PRC1: variants seen among roughly 807,000 people sequenced by gnomAD.
The protein encoded by PRC1 is anaphase spindle elongation 1 homolog.
A neutral mutation model predicts 91.2 loss-of-function variants in PRC1; 54 were observed. The ratio of observed to expected loss-of-function variants is 0.59; its 90% CI spans 0.48 to 0.74. The LOEUF (loss-of-function observed/expected upper bound fraction) is 0.74, where lower values mean the gene tolerates loss of function less well. PRC1 is among the 30% of genes least tolerant of loss of function. The pLI is 0.00. For synonymous variants in PRC1, 275 were observed against 263.6 expected (o/e 1.04, Z -0.42); for missense variants, 727 against 746.2 (o/e 0.97, Z 0.30).
chr15:90,978,875 G>A (rs1174762118), intron 8 of PRC1, among the ~76,000 whole-genome samples: 1 of 151,864 alleles, frequency 6.6e-6, no homozygotes, highest in Non-Finnish European at 1.5e-5. Flanking sequence ...GAAGCCTGGG[G>A]TCCTGCTCAC....
rs1338193711 is a variant in PRC1, at chr15:90,967,218, T to TAAC, written c.1792-19_1792-17dup. 2 of 1,607,094 alleles carry TAAC rather than the reference T, an allele frequency of 1.2e-6. No homozygotes were observed. The highest frequency in any genetic ancestry group is 2.7e-5 in the African/African-American group (2 of 74,738). On this transcript the variant is annotated splice_polypyrimidine_tract_variant and intron_variant, in intron 14 of 14. Transcript: ENST00000394249. ...AAAGTTCTCGCTGTTGAAAAATAAATAACATCAGTGGCCATACTGCCTCTC... is the reference window on the plus strand; with the variant it reads ...AAAGTTCTCGCTGTTGAAAAATAAATAACAACATCAGTGGCCATACTGCCTCTC...
chr15:90,980,463 T>C, intron 6 of PRC1, 74 bp from the exon 7 acceptor site: 1 of 1,481,478 alleles, frequency 6.8e-7, no homozygotes, highest in South Asian at 1.3e-5. Context: ...GATCCCCCCC[T>C]TTTAAGTAAA....
At chr15:90,994,326 TC>T (rs1321760721) in intron 1 of PRC1, 80 bp downstream of exon 1, 6 of 1,601,142 alleles carry the variant, frequency 3.7e-6, no homozygotes, top group Non-Finnish European at 5.1e-6. Context: ...CCCGCACGGG[TC>T]CCGCACCCCT....
intron 9 of PRC1, among the ~76,000 whole-genome samples, chr15:90,975,095 G>C (rs78220258): frequency 0.029 from 4,465 of 152,288 alleles, 220 homozygotes; most frequent in African/African-American, 0.1. Context: ...TTTACTGGCT[G>C]TGAAGCAGTG....
At chr15:90,986,921 A>C (rs532408398) in intron 1 of PRC1, among the ~76,000 whole-genome samples, 1 of 151,876 alleles carries the variant, frequency 6.6e-6, no homozygotes, top group East Asian at 1.9e-4. Context: ...GGCTGAGCAA[A>C]TGCCACTAGA....
chr15:90,984,092 G>C lies in PRC1; in HGVS notation c.193C>G (p.Leu65Val). 6.2e-7 allele frequency: 1 copy of C among 1,614,100 alleles called. No homozygotes were observed. Among genetic ancestry groups the C allele is most frequent in the South Asian group, 1.1e-5 (1 of 91,080 alleles). ...TGACAGACGGATATGCTTTTGATGA[G>C]TCTTTCCTTCAGGCTTTCCTCTTCA... ...IAEEESLKERLIKSISVCQKE... is the reference protein window; with the variant it reads ...IAEEESLKERVIKSISVCQKE... The change falls in exon 3 of 15, where the codon CTC becomes GTC. Residue 65 changes from leucine (L) to valine (V), a missense_variant. Transcript: ENST00000394249. The surrounding 1 kb of genome is among the most constrained non-coding windows in gnomAD (Gnocchi z 5.1).
intron 6 of PRC1, 100 bp downstream of exon 6, chr15:90,980,784 G>T: frequency 6.6e-7 from 1 of 1,509,772 alleles, no homozygotes; most frequent in Non-Finnish European, 9.1e-7. Context: ...GGGATTAGAG[G>T]CATGAACCAC....
intron 1 of PRC1, among the ~76,000 whole-genome samples, chr15:90,991,898 A>G (rs181751024): frequency 1.1e-3 from 163 of 152,212 alleles, no homozygotes; most frequent in Non-Finnish European, 1.8e-3. Flanking sequence ...ACGACTTGCC[A>G]TCTCACTCTA....
At chr15:90,968,187 T>G (rs2037701264) in intron 14 of PRC1, 2 of 985,454 alleles carry the variant, frequency 2.0e-6, no homozygotes, top group South Asian at 9.4e-5. Context: ...GGGCCTTGGT[T>G]GAACAAGCGA....
At chr15:90,980,818 G>A (rs2151533512) in intron 6 of PRC1, 66 bp downstream of exon 6, 1 of 1,601,808 alleles carries the variant, frequency 6.2e-7, no homozygotes, top group South Asian at 1.1e-5. Context: ...ATCAACAACA[G>A]TCTTTATGAC....
chr15:90,972,652 T>C (rs2038259025), intron 11 of PRC1, among the ~76,000 whole-genome samples: 1 of 151,934 alleles, frequency 6.6e-6, no homozygotes, highest in Non-Finnish European at 1.5e-5. Context: ...GGCAGGAGAA[T>C]TGCTTGAAAC....
intron 8 of PRC1, 85 bp from the exon 9 acceptor site, chr15:90,976,856 C>G: frequency 8.6e-7 from 1 of 1,160,190 alleles, no homozygotes; most frequent in Non-Finnish European, 1.3e-6. Flanking sequence ...TCTCGCCAGG[C>G]GTGGTGACTC....
In PRC1 at chr15:90,969,499, A is replaced by C. The variant is rs146571257; in HGVS notation, c.1697T>G (p.Leu566Arg). 1.2e-4 allele frequency: 195 copies of C among 1,612,348 alleles called. No individual in the cohort carries two copies. Among genetic ancestry groups the C allele is most frequent in the Non-Finnish European group, 1.5e-4 (182 of 1,179,160 alleles). Residue 566 changes from leucine to arginine, a missense_variant, in exon 13 of 15, where the codon CTC becomes CGC. Coordinates refer to ENST00000394249, the MANE Select transcript of PRC1 (RefSeq NM_003981.4). Reference protein sequence around the residue: ...LSGGYPGSAPLQRNFSINSVA... With the variant: ...LSGGYPGSAPRQRNFSINSVA... ...AGAATTAATGCTGAAGTTGCGCTGG[A>C]GGGGGGCCGAGCCAGGGTACCCACC... is the stretch of plus-strand genomic sequence containing the variant.
intron 12 of PRC1, 25 bp from the exon 13 acceptor site, chr15:90,969,648 T>C (rs368414381): frequency 3.2e-5 from 50 of 1,562,678 alleles, no homozygotes; most frequent in South Asian, 1.4e-4. Flanking sequence ...AAGAGATCCA[T>C]GTATCATCCT....
intron 8 of PRC1, 44 bp from the exon 9 acceptor site, chr15:90,976,815 G>A (rs2038741355): frequency 1.4e-6 from 2 of 1,471,798 alleles, no homozygotes; most frequent in East Asian, 2.3e-5. Flanking sequence ...CTGGCACCAT[G>A]AGACCAATAA....
Position 90,969,450 on chromosome 15 carries a change from A to AAACTC in PRC1, c.1741_1745dup (p.Phe582LeufsTer45). ...GATATTAGAAAAGGTGAATTACCGCAAACTCAGAATAGGTGCTGGCAACAG... is the reference window on the plus strand; with the variant it reads ...GATATTAGAAAAGGTGAATTACCGCAAACTCAACTCAGAATAGGTGCTGGCAACAG... On this transcript the variant is annotated frameshift_variant, in exon 13 of 15. Coordinates refer to ENST00000394249, the MANE Select transcript of PRC1 (RefSeq NM_003981.4). LOFTEE classifies it high-confidence loss of function. 6.3e-7 allele frequency: 1 copy of AAACTC among 1,594,878 alleles called. No homozygotes were observed. The highest frequency in any genetic ancestry group is 8.6e-7 in the Non-Finnish European group (1 of 1,168,458).
chr15:90,983,846 A>C (rs1432892110), intron 3 of PRC1, 172 bp downstream of exon 3: 19 of 797,094 alleles, frequency 2.4e-5, no homozygotes, highest in African/African-American at 3.4e-5. Context: ...CTCTCTACAG[A>C]GGTGAGAATT....
chr15:90,970,355 C>T (rs1442756324), intron 12 of PRC1, 49 bp downstream of exon 12: 2 of 1,372,196 alleles, frequency 1.5e-6, no homozygotes, highest in Non-Finnish European at 2.1e-6. Flanking sequence ...TCTGGGTGAA[C>T]AGGCTAGGGA....
intron 11 of PRC1, among the ~76,000 whole-genome samples, chr15:90,971,255 A>G (rs995316713): frequency 6.6e-6 from 1 of 152,174 alleles, no homozygotes; most frequent in South Asian, 2.1e-4. Flanking sequence ...ATAAACCTAC[A>G]TATGTCAAAA....
Sources: allele counts gnomAD v4.1 joint callset (sites outside exome capture counted in the v4.1 genomes callset), GRCh38; gene constraint gnomAD v4.1.1; non-coding constraint Gnocchi (gnomAD v3.1); transcripts MANE v1.5; gene names NCBI Gene and HGNC (gene_info 2026-07-23, HGNC 2026-07-21).